STAT5B: variants seen among roughly 807,000 people sequenced by gnomAD.
STAT5B encodes the protein transcription factor STAT5B.
A neutral mutation model predicts 107.8 loss-of-function variants in STAT5B; 21 were observed. The ratio of observed to expected loss-of-function variants is 0.19; its 90% confidence interval spans 0.14 to 0.28. The LOEUF (loss-of-function observed/expected upper bound fraction) is 0.28, where lower values mean the gene tolerates loss of function less well. Ranked by LOEUF, STAT5B falls within the 10% of genes least tolerant of loss-of-function variation. The pLI, the probability that STAT5B is intolerant of heterozygous loss-of-function variation, is 1.00. For missense variants in STAT5B, 565 were observed against 1,008.2 expected (o/e 0.56, Z 5.95); for synonymous variants, 325 against 401.7 (o/e 0.81, Z 2.28).
chr17:42,238,876 G>A (rs1463771878), intron 1 of STAT5B, among the ~76,000 whole-genome samples: 1 of 151,814 alleles, frequency 6.6e-6, no homozygotes, highest in East Asian at 1.9e-4. Context: ...AAAGAATGGA[G>A]AATTGTGAAG....
At position 42,222,651 on chromosome 17, in the gene STAT5B, C is replaced by T. The variant is rs571508882; in HGVS notation, c.550+731G>A. Among the ~76,000 whole-genome samples, 5 of 151,954 alleles carry T rather than the reference C, an allele frequency of 3.3e-5. No individual in the cohort carries two copies. The South Asian group carries it at 1.0e-3, about 32-fold the overall frequency. ...CTGGCCTCCCAAAGCACCAGGATTA[C>T]AGGTGTGCAAAACCACTCCCAGCTT... On this transcript the variant is annotated intron_variant, in intron 5 of 18. Coordinates refer to ENST00000293328, the MANE Select transcript of STAT5B (RefSeq NM_012448.4).
At chr17:42,260,722 GTTGAAATGATAA>G (rs2080587518) in intron 1 of STAT5B, among the ~76,000 whole-genome samples, 1 of 151,932 alleles carries the variant, frequency 6.6e-6, no homozygotes, top group Non-Finnish European at 1.5e-5. Context: ...TTGATCAAAT[GTTGAAATGATAA>G]TTTTTATATA....
intron 11 of STAT5B, among the ~76,000 whole-genome samples, chr17:42,216,810 T>C: frequency 6.6e-6 from 1 of 151,862 alleles, no homozygotes; most frequent in Non-Finnish European, 1.5e-5. Flanking sequence ...CCTGAGTAGC[T>C]GGGATTATAG....
chr17:42,224,697 C>T, intron 4 of STAT5B, 82 bp downstream of exon 4: 2 of 1,390,936 alleles, frequency 1.4e-6, no homozygotes, highest in Non-Finnish European at 2.0e-6. Flanking sequence ...CACCCTGAGT[C>T]ACCTTGACAA....
At chr17:42,225,840 T>C (rs2080268467) in intron 3 of STAT5B, among the ~76,000 whole-genome samples, 3 of 152,198 alleles carry the variant, frequency 2.0e-5, no homozygotes, top group Admixed American at 6.5e-5. Context: ...AGAAGTCTGC[T>C]CGGAGATGTG....
At chr17:42,278,200 A>G (rs1019923922), upstream of STAT5B, among the ~76,000 whole-genome samples, 4 of 152,046 alleles carry the variant, frequency 2.6e-5, no homozygotes, top group African/African-American at 9.7e-5. Context: ...CGCGTTATTC[A>G]TGCCTCTATT....
the STAT5B span, chr17:42,288,227 C>G: frequency 6.6e-6 from 1 of 152,212 alleles, no homozygotes; most frequent in Non-Finnish European, 1.5e-5. The surrounding 1 kb of genome is among the most constrained non-coding windows in gnomAD (Gnocchi z 4.8). Context: ...TGACCCGCCC[C>G]GGTTCCGGGA....
the STAT5B span, among the ~76,000 whole-genome samples, chr17:42,283,075 TGTC>T: frequency 2.0e-5 from 3 of 151,654 alleles, no homozygotes; most frequent in Non-Finnish European, 4.4e-5. Context: ...TACTGGGAGG[TGTC>T]GTGGAAGATG....
At chr17:42,230,272 C>T (rs948427097) in intron 2 of STAT5B, among the ~76,000 whole-genome samples, 2 of 152,108 alleles carry the variant, frequency 1.3e-5, no homozygotes, top group African/African-American at 4.8e-5. Context: ...TCTAAGGCAA[C>T]ATTACAGACA....
At chr17:42,247,285 G>A (rs550490791) in intron 1 of STAT5B, among the ~76,000 whole-genome samples, 23 of 152,268 alleles carry the variant, frequency 1.5e-4, no homozygotes, top group African/African-American at 5.5e-4. Context: ...CCTATCCACC[G>A]AACCAAAACT....
At position 42,202,744 on chromosome 17, in the gene STAT5B, C is replaced by T. The variant is rs1196881143; in HGVS notation, c.2129+13G>A. On this transcript the variant is annotated intron_variant, in intron 17 of 18. Coordinates refer to ENST00000293328, the MANE Select transcript of STAT5B (RefSeq NM_012448.4). ...AGAGGCAGAAGGAGAGCCACAGCCA[C>T]CTGGACACTTACTCAGGGACCACTT... The T allele has an allele frequency of 6.2e-7, 1 of 1,613,892 alleles. No homozygotes were observed. The highest frequency in any genetic ancestry group is 1.1e-5 in the South Asian group (1 of 91,070).
At chr17:42,248,273 CAAA>C (rs61401221) in intron 1 of STAT5B, among the ~76,000 whole-genome samples, 3 of 69,196 alleles carry the variant, frequency 4.3e-5, no homozygotes, top group Non-Finnish European at 2.9e-5. Context: ...AGATCTTGTC[CAAA>C]AAAAAAAAAA....
At chr17:42,260,050 CTG>C (rs1429021960) in intron 1 of STAT5B, among the ~76,000 whole-genome samples, 3 of 152,176 alleles carry the variant, frequency 2.0e-5, no homozygotes, top group Non-Finnish European at 4.4e-5. Flanking sequence ...TATAGCCACA[CTG>C]TTTATTATGG....
intron 1 of STAT5B, among the ~76,000 whole-genome samples, chr17:42,258,977 A>T (rs1266260521): frequency 1.3e-5 from 2 of 152,228 alleles, no homozygotes; most frequent in Admixed American, 1.3e-4. Context: ...TTAAGCATCA[A>T]CTTGATGTAT....
rs1598291878 is a variant in STAT5B at position 42,202,123 on chromosome 17, A to T, written c.2237+217T>A. ...TAGAGCAAGAAAAATCTCCATATTGAGAGAGGGGAACAGATGACATTTGCC... is the reference window on the plus strand; with the variant it reads ...TAGAGCAAGAAAAATCTCCATATTGTGAGAGGGGAACAGATGACATTTGCC... On this transcript the variant is annotated intron_variant, in intron 18 of 18. Coordinates refer to ENST00000293328, the MANE Select transcript of STAT5B (RefSeq NM_012448.4). 6 of 651,770 alleles carry T rather than the reference A, an allele frequency of 9.2e-6. No homozygotes were observed. In the South Asian group the frequency reaches 1.2e-4, roughly 13 times the overall value. 40.4% of individuals were successfully genotyped at this position (651,770 alleles called of 1,614,324 possible).
chr17:42,208,612 T>C (rs2144213940), intron 15 of STAT5B, among the ~76,000 whole-genome samples: 1 of 152,314 alleles, frequency 6.6e-6, no homozygotes, highest in East Asian at 1.9e-4. Flanking sequence ...AACAGTATTC[T>C]AGCCCTCAGT....
intron 12 of STAT5B, 87 bp from the exon 13 acceptor site, chr17:42,212,277 G>T (rs2080136004): frequency 1.0e-5 from 16 of 1,599,980 alleles, no homozygotes; most frequent in Non-Finnish European, 1.4e-5. Context: ...CTGATGGCTG[G>T]GAGTGGTTAC....
chr17:42,257,674 T>C lies in STAT5B; in HGVS notation c.-11+18574A>G, dbSNP rs77026226. Reference sequence around the variant, plus strand: ...TGCAGATTCAATCTTCACAAAGCACTAAAAATATAGAGCATGGAGTTAAAA... The same window carrying C: ...TGCAGATTCAATCTTCACAAAGCACCAAAAATATAGAGCATGGAGTTAAAA... On this transcript the variant is annotated intron_variant, in intron 1 of 18. Coordinates refer to ENST00000293328, the MANE Select transcript of STAT5B (RefSeq NM_012448.4). Among the ~76,000 whole-genome samples, 188 of 152,276 alleles carry C rather than the reference T, an allele frequency of 1.2e-3. 1 individual carries two copies. The highest frequency in any genetic ancestry group is 4.2e-3 in the African/African-American group (174 of 41,568).
At chr17:42,238,436 G>GGA in intron 1 of STAT5B, among the ~76,000 whole-genome samples, 1 of 141,884 alleles carries the variant, frequency 7.0e-6, no homozygotes, top group African/African-American at 2.7e-5. Flanking sequence ...AGAGGCACAA[G>GGA]CCATTGTGCC....
Sources: allele counts gnomAD v4.1 joint callset (sites outside exome capture counted in the v4.1 genomes callset), GRCh38; gene constraint gnomAD v4.1.1; non-coding constraint Gnocchi (gnomAD v3.1); transcripts MANE v1.5; gene names NCBI Gene and HGNC (gene_info 2026-07-23, HGNC 2026-07-21).